Variants in BACH2 observed in about 807,000 individuals in gnomAD.
The protein encoded by BACH2 is transcription regulator protein BACH2.
Under a neutral mutation model 61.8 loss-of-function variants are expected in BACH2, and 5 were observed. The observed-to-expected ratio is 0.08, with a 90% CI of 0.04 to 0.17. The LOEUF is 0.17. Among genes scored for constraint, BACH2 ranks in the 10% least tolerant of loss-of-function variants. BACH2 has a pLI of 1.00. For missense variants in BACH2, 824 were observed against 1,091.1 expected (o/e 0.76, Z 3.45); for synonymous variants, 446 against 440.1 (o/e 1.01, Z -0.17).
chr6:89,943,167 G>A (rs1773533894), intron 7 of BACH2, among the ~76,000 whole-genome samples: 1 of 152,094 alleles, frequency 6.6e-6, no homozygotes, highest in Admixed American at 6.5e-5. Context: ...TGTGTCCAGG[G>A]ATTCTTAGGT....
chr6:90,203,647 G>A (rs767411454), intron 4 of BACH2, among the ~76,000 whole-genome samples: 61 of 152,060 alleles, frequency 4.0e-4, no homozygotes, highest in Non-Finnish European at 4.7e-4. Context: ...ATATTTAAAA[G>A]GTGAATAAAT....
chr6:90,263,629 C>T lies in BACH2; in HGVS notation c.-353+8220G>A, dbSNP rs563895715. ...TTTATAAGAGTAGCATTTTTTCTTG[C>T]GCTGACTCCTGAAGCCTAAATCTGC... On this transcript the variant is annotated intron_variant, in intron 2 of 8. Coordinates refer to ENST00000257749, the MANE Select transcript of BACH2 (RefSeq NM_021813.4). Among the ~76,000 whole-genome samples, 4 of 152,214 alleles carry T rather than the reference C, an allele frequency of 2.6e-5. No individual in the cohort carries two copies. The East Asian group carries it at 5.8e-4, about 22-fold the overall frequency.
chr6:89,980,071 T>C (rs1270449691), intron 6 of BACH2, among the ~76,000 whole-genome samples: 1 of 152,144 alleles, frequency 6.6e-6, no homozygotes, highest in East Asian at 1.9e-4. Flanking sequence ...GGTAGGCGGA[T>C]CACCTGAGAG....
At chr6:89,981,109 A>C (rs1460769058) in intron 6 of BACH2, among the ~76,000 whole-genome samples, 1 of 151,900 alleles carries the variant, frequency 6.6e-6, no homozygotes, top group African/African-American at 2.4e-5. Flanking sequence ...GATGATAAAA[A>C]CTAATAGGGT....
At chr6:89,977,538 G>A (rs1252659865) in intron 6 of BACH2, among the ~76,000 whole-genome samples, 1 of 152,188 alleles carries the variant, frequency 6.6e-6, no homozygotes, top group Non-Finnish European at 1.5e-5. Flanking sequence ...TTGAAAGGGA[G>A]AATACTAAAA....
At chr6:90,119,443 C>T (rs1411431386) in intron 4 of BACH2, among the ~76,000 whole-genome samples, 1 of 152,114 alleles carries the variant, frequency 6.6e-6, no homozygotes, top group Non-Finnish European at 1.5e-5. Context: ...TTAAAATACC[C>T]TGTACATTAT....
chr6:90,106,620 C>T (rs555483803), intron 4 of BACH2, among the ~76,000 whole-genome samples: 37 of 152,256 alleles, frequency 2.4e-4, no homozygotes, highest in Non-Finnish European at 4.0e-4. Context: ...TGCATCCTAT[C>T]GTTAAGCAAT....
At chr6:90,257,234 A>AT (rs1180353617) in intron 2 of BACH2, among the ~76,000 whole-genome samples, 1 of 152,164 alleles carries the variant, frequency 6.6e-6, no homozygotes, top group Non-Finnish European at 1.5e-5. Flanking sequence ...TCCTTTGGGT[A>AT]TATGCCCAGA....
chr6:90,103,029 A>ATTTTTT (rs371386234), intron 4 of BACH2, among the ~76,000 whole-genome samples: 18 of 21,158 alleles, frequency 8.5e-4, no homozygotes, highest in East Asian at 3.7e-3. Context: ...ATATATATAT[A>ATTTTTT]TTTTTTTTTT....
intron 4 of BACH2, among the ~76,000 whole-genome samples, chr6:90,110,307 T>C (rs1192813710): frequency 1.3e-5 from 2 of 152,214 alleles, no homozygotes; most frequent in African/African-American, 4.8e-5. Flanking sequence ...TACCTGAAAA[T>C]CTGTCAATAA....
intron 1 of BACH2, among the ~76,000 whole-genome samples, chr6:90,284,580 C>A (rs1771961635): frequency 6.6e-6 from 1 of 152,184 alleles, no homozygotes. Context: ...ACAGCCCCGA[C>A]AGGAGATGCT....
chr6:89,959,451 CTA>C (rs1228038143), intron 6 of BACH2, among the ~76,000 whole-genome samples: 2 of 152,108 alleles, frequency 1.3e-5, no homozygotes, highest in Non-Finnish European at 2.9e-5. Flanking sequence ...CACATTTTTG[CTA>C]TGATTTCTCC....
At position 89,930,940 on chromosome 6, in the gene BACH2, T is replaced by A. The variant is rs1480205255; in HGVS notation, c.*1468A>T. On this transcript the variant is annotated 3_prime_UTR_variant, in exon 9 of 9. Transcript: ENST00000257749. ...GCCAGGATGCCCTGCTCTCTCCCAA[T>A]GGGGTGAAGGCAGGACCTTCGGGGC... The A allele has an allele frequency of 6.6e-6, 1 of 152,020 alleles. No homozygotes were observed. The highest frequency in any genetic ancestry group is 2.4e-5 in the African/African-American group (1 of 41,406). 9.4% of individuals were successfully genotyped at this position (152,020 alleles called of 1,614,324 possible). A position where few individuals can be genotyped will look rare whatever the true frequency, so the allele number is the denominator to read the frequency against.
intron 7 of BACH2, among the ~76,000 whole-genome samples, chr6:89,942,776 C>T (rs925162397): frequency 2.6e-5 from 4 of 152,188 alleles, no homozygotes; most frequent in Non-Finnish European, 4.4e-5. Context: ...AGGCCAAGGG[C>T]CAAACAGGGC....
At chr6:89,940,966 G>C (rs1392264305) in intron 7 of BACH2, among the ~76,000 whole-genome samples, 2 of 151,954 alleles carry the variant, frequency 1.3e-5, no homozygotes, top group Admixed American at 1.3e-4. Flanking sequence ...GCAGCATGAG[G>C]CAAATGGACT....
intron 6 of BACH2, among the ~76,000 whole-genome samples, chr6:89,967,414 C>G (rs142693713): frequency 7.9e-5 from 12 of 152,198 alleles, no homozygotes; most frequent in Non-Finnish European, 1.5e-5. Context: ...AAAACACCTA[C>G]AGCATCCCGG....
chr6:89,971,793 T>C (rs137922001), intron 6 of BACH2, among the ~76,000 whole-genome samples: 1 of 152,238 alleles, frequency 6.6e-6, no homozygotes, highest in East Asian at 1.9e-4. Flanking sequence ...TCATGAGACT[T>C]ATTCACTACC....
Position 90,292,771 on chromosome 6 carries a change from C to T in BACH2, c.-446+3709G>A, listed in dbSNP as rs115124299. Among the ~76,000 whole-genome samples, 822 of 152,248 alleles carry T rather than the reference C, an allele frequency of 5.4e-3. 7 individuals are homozygous for T. Among genetic ancestry groups the T allele is most frequent in the African/African-American group, 0.019 (780 of 41,516 alleles). ...AGTGGGAGACAAGCAGCCCCCAGGCCGACACTAGCTCTTACATATGCTTTC... is the reference window on the plus strand; with the variant it reads ...AGTGGGAGACAAGCAGCCCCCAGGCTGACACTAGCTCTTACATATGCTTTC... On this transcript the variant is annotated intron_variant, in intron 1 of 8. Coordinates refer to ENST00000257749, the MANE Select transcript of BACH2 (RefSeq NM_021813.4).
chr6:90,238,538 A>G (rs977778577), intron 3 of BACH2, among the ~76,000 whole-genome samples: 3 of 152,238 alleles, frequency 2.0e-5, no homozygotes, highest in African/African-American at 7.2e-5. Flanking sequence ...GAATGAATTT[A>G]AAAACTCTTC....
Sources: gnomAD v4.1 joint callset for allele counts (sites outside exome capture counted in the v4.1 genomes callset) on GRCh38, gnomAD v4.1.1 for gene constraint, MANE v1.5 for transcripts, NCBI Gene and HGNC (gene_info 2026-07-23, HGNC 2026-07-21) for gene names.